The following ASIC2 variants were observed in gnomAD, a reference collection of about 807,000 sequenced individuals.
ASIC2 encodes the protein acid-sensing ion channel 2.
In ASIC2, 25 loss-of-function variants were observed where a neutral mutation model predicts 57.3. That is an observed-to-expected ratio of 0.44 (90% confidence interval 0.32 to 0.61). The LOEUF is 0.61. ASIC2 is among the 20% of genes least tolerant of loss of function. The probability of loss-of-function intolerance (pLI) is 0.06; values close to 1 mark genes in which losing one functional copy is unlikely to be tolerated. For synonymous variants in ASIC2, 319 were observed against 307.5 expected, an observed-to-expected ratio of 1.04 and a Z score of -0.39; for missense variants, 641 against 738.1, an observed-to-expected ratio of 0.87 and a Z score of 1.52.
chr17:33,398,066 C>A (rs1444268159), intron 1 of ASIC2, among the ~76,000 whole-genome samples: 1 of 152,292 alleles, frequency 6.6e-6, no homozygotes, highest in Non-Finnish European at 1.5e-5. Flanking sequence ...TGTCTATTCT[C>A]TTTCCTTGGT....
At chr17:33,516,439 G>A (rs1914574773) in intron 1 of ASIC2, among the ~76,000 whole-genome samples, 1 of 131,720 alleles carries the variant, frequency 7.6e-6, no homozygotes, top group African/African-American at 2.7e-5. Context: ...TATGGAGGAG[G>A]GGTGGTGATG....
intron 1 of ASIC2, among the ~76,000 whole-genome samples, chr17:33,889,617 G>A (rs1467824831): frequency 1.3e-5 from 2 of 152,098 alleles, no homozygotes; most frequent in East Asian, 1.9e-4. Context: ...TAATACTAAC[G>A]TAAGTTGCAA....
At chr17:34,035,729 A>T (rs1012469456) in intron 1 of ASIC2, among the ~76,000 whole-genome samples, 2 of 148,860 alleles carry the variant, frequency 1.3e-5, no homozygotes, top group African/African-American at 2.5e-5. Flanking sequence ...AAAGGATATG[A>T]ACAGACACTT....
At chr17:33,415,234 G>A (rs1273323583) in intron 1 of ASIC2, among the ~76,000 whole-genome samples, 2 of 152,190 alleles carry the variant, frequency 1.3e-5, no homozygotes, top group African/African-American at 4.8e-5. Context: ...ATTGGCCCAG[G>A]ACACCTCAGG....
chr17:33,308,057 GTACACTGGTATGTTCTAAA>G (rs1906256828), intron 1 of ASIC2, among the ~76,000 whole-genome samples: 1 of 152,178 alleles, frequency 6.6e-6, no homozygotes, highest in Admixed American at 6.5e-5. Context: ...TCTTGAGTTT[GTACACTGGTATGTTCTAAA>G]TACCTCAAAC....
intron 1 of ASIC2, among the ~76,000 whole-genome samples, chr17:33,326,071 C>G (rs558819084): frequency 6.6e-6 from 1 of 152,304 alleles, no homozygotes; most frequent in Admixed American, 6.5e-5. Flanking sequence ...TGGTCAAGGT[C>G]ACAGAGCAAG....
chr17:33,902,651 G>A (rs9893236), intron 1 of ASIC2, among the ~76,000 whole-genome samples: 99,847 of 151,982 alleles, frequency 0.66, 33,348 homozygotes, highest in African/African-American at 0.79. Flanking sequence ...GGGAGTTAAC[G>A]GGGACTCCAA....
intron 1 of ASIC2, among the ~76,000 whole-genome samples, chr17:33,718,015 G>C (rs1468088802): frequency 6.6e-6 from 1 of 152,122 alleles, no homozygotes; most frequent in Non-Finnish European, 1.5e-5. Flanking sequence ...TACCATTTCA[G>C]AAGGGGTTTC....
chr17:33,119,309 A>C (rs780502029), intron 1 of ASIC2, among the ~76,000 whole-genome samples: 8 of 152,296 alleles, frequency 5.3e-5, no homozygotes, highest in Non-Finnish European at 1.0e-4. Context: ...TCCCTGAGTC[A>C]ATTCCGCTTT....
At chr17:33,850,632 G>T (rs1194078969) in intron 1 of ASIC2, among the ~76,000 whole-genome samples, 5 of 152,264 alleles carry the variant, frequency 3.3e-5, no homozygotes, top group Non-Finnish European at 7.4e-5. Context: ...TTTCCTCTGG[G>T]CTATGATCTG....
chr17:33,857,029 G>A lies in ASIC2; in HGVS notation c.555+298949C>T, dbSNP rs369503942. Among the ~76,000 whole-genome samples the A allele has an allele frequency of 9.3e-4, 141 of 152,172 alleles. 1 individual carries two copies. In the South Asian group the frequency reaches 0.026, roughly 28 times the overall value. ...AGGATAGATGGAGCTTGCTTTCAGC[G>A]GCCAAGAGCTCAGGCATACTGGGGG... On this transcript the variant is annotated intron_variant, in intron 1 of 9. Coordinates refer to the ASIC2 transcript ENST00000359872.
At chr17:33,937,154 T>G (rs1425650923) in intron 1 of ASIC2, among the ~76,000 whole-genome samples, 1 of 152,088 alleles carries the variant, frequency 6.6e-6, no homozygotes, top group Non-Finnish European at 1.5e-5. Context: ...CAGGCTGGAG[T>G]GTAGTGGTGC....
intron 1 of ASIC2, among the ~76,000 whole-genome samples, chr17:33,702,061 G>A (rs57684776): frequency 1.3e-4 from 20 of 152,270 alleles, no homozygotes; most frequent in African/African-American, 4.6e-4. Context: ...TCTGGAAGGT[G>A]GTAACTTCTT....
At chr17:33,366,607 C>G (rs1230814934) in intron 1 of ASIC2, among the ~76,000 whole-genome samples, 1 of 152,232 alleles carries the variant, frequency 6.6e-6, no homozygotes, top group Non-Finnish European at 1.5e-5. Context: ...GCAGCGTTCT[C>G]TCTTATAACC....
At chr17:33,585,879 T>C (rs1904613222) in intron 1 of ASIC2, among the ~76,000 whole-genome samples, 2 of 152,186 alleles carry the variant, frequency 1.3e-5, no homozygotes, top group African/African-American at 4.8e-5. Flanking sequence ...AAATCCTCTG[T>C]GGAACAAAGT....
chr17:33,842,766 G>A (rs145727315), intron 1 of ASIC2, among the ~76,000 whole-genome samples: 59 of 152,304 alleles, frequency 3.9e-4, no homozygotes, highest in Non-Finnish European at 6.2e-4. Flanking sequence ...CAGTGAGAGA[G>A]GCAAGCACTG....
chr17:34,037,943 G>A (rs1332642741), intron 1 of ASIC2: 27 of 1,613,580 alleles, frequency 1.7e-5, no homozygotes, highest in East Asian at 6.7e-5. Context: ...CACACCCACC[G>A]ACCACACATC....
At chr17:33,163,965 T>C (rs1336528910) in intron 1 of ASIC2, among the ~76,000 whole-genome samples, 1 of 152,226 alleles carries the variant, frequency 6.6e-6, no homozygotes, top group Non-Finnish European at 1.5e-5. Flanking sequence ...GAGTCTTCAC[T>C]GCAGGGACAA....
At chr17:33,410,183 T>C (rs1363268063) in intron 1 of ASIC2, among the ~76,000 whole-genome samples, 2 of 152,102 alleles carry the variant, frequency 1.3e-5, no homozygotes, top group Admixed American at 1.3e-4. Flanking sequence ...ACTCTGGATA[T>C]CTTCTTACCA....
Sources: allele counts gnomAD v4.1 joint callset (sites outside exome capture counted in the v4.1 genomes callset), GRCh38; gene constraint gnomAD v4.1.1; transcripts MANE v1.5; gene names NCBI Gene and HGNC (gene_info 2026-07-23, HGNC 2026-07-21).